Variants in RBFOX3 observed in about 807,000 individuals in gnomAD.
RBFOX3 encodes the protein RNA binding fox-1 homolog 3.
A neutral mutation model predicts 48.7 loss-of-function variants in RBFOX3; 17 were observed. The ratio of observed to expected loss-of-function variants is 0.35; its 90% CI spans 0.24 to 0.52. The LOEUF (loss-of-function observed/expected upper bound fraction) is 0.52. Among genes scored for constraint, RBFOX3 ranks in the 20% least tolerant of loss-of-function variants. RBFOX3 has a pLI of 0.94. For synonymous variants in RBFOX3, 212 were observed against 209.5 expected (o/e 1.01, Z -0.10); for missense variants, 382 against 497.5 (o/e 0.77, Z 2.21).
At chr17:79,528,043 C>G (rs1325820360) in intron 1 of RBFOX3, among the ~76,000 whole-genome samples, 1 of 152,210 alleles carries the variant, frequency 6.6e-6, no homozygotes, top group African/African-American at 2.4e-5. Flanking sequence ...AGTTGAACCA[C>G]TGAGTACCTC....
At chr17:79,626,426 C>T in the RBFOX3 span, among the ~76,000 whole-genome samples, 2 of 152,248 alleles carry the variant, frequency 1.3e-5, no homozygotes, top group Non-Finnish European at 2.9e-5. Flanking sequence ...CAGGAAGCGG[C>T]CACTGTCGCT....
In RBFOX3 at chr17:79,328,141, G is replaced by A. The variant is rs572082546; in HGVS notation, c.-174-20317C>T. 4.6e-5 allele frequency among the ~76,000 whole-genome samples: 7 copies of A among 152,314 alleles called. No homozygotes were observed. The South Asian group carries it at 1.5e-3, about 32-fold the overall frequency. ...AGGAGAGTGGGAGGGCAGAGCCCGT[G>A]GGTGCAAACACGGGCAGGACTCATG... On this transcript the variant is annotated intron_variant, in intron 2 of 14. Coordinates refer to ENST00000693108, the MANE Select transcript of RBFOX3 (RefSeq NM_001350451.2).
intron 2 of RBFOX3, among the ~76,000 whole-genome samples, chr17:79,403,520 C>T (rs146208512): frequency 1.5e-3 from 228 of 152,368 alleles, no homozygotes; most frequent in Non-Finnish European, 2.6e-3. Flanking sequence ...CTTCCACCCC[C>T]GTCAGCCCCA....
intron 1 of RBFOX3, among the ~76,000 whole-genome samples, chr17:79,536,657 C>T (rs999636648): frequency 1.3e-5 from 2 of 148,564 alleles, no homozygotes; most frequent in African/African-American, 5.0e-5. Context: ...TTGCCCCGCC[C>T]CAGCGTAGCA....
rs563190267 is a variant in RBFOX3, at chr17:79,309,587, T to C, written c.-174-1763A>G. Among the ~76,000 whole-genome samples, 25 of 152,244 alleles carry C rather than the reference T, an allele frequency of 1.6e-4. No homozygotes were observed. The South Asian group carries it at 4.8e-3, about 29-fold the overall frequency. On this transcript the variant is annotated intron_variant, in intron 2 of 14. Transcript: ENST00000693108. Reference sequence around the variant, plus strand: ...CATCGTATGGGAAGCCCCCTCCCCATCACCTGCCGCATCTACTCATGGCCT... The same window carrying C: ...CATCGTATGGGAAGCCCCCTCCCCACCACCTGCCGCATCTACTCATGGCCT...
intron 2 of RBFOX3, among the ~76,000 whole-genome samples, chr17:79,315,656 T>A (rs571079231): frequency 6.6e-6 from 1 of 152,340 alleles, no homozygotes; most frequent in East Asian, 1.9e-4. Context: ...TCCAGGTCAT[T>A]ACTCAAGGAA....
At chr17:79,462,176 C>G (rs2075450203) in intron 2 of RBFOX3, among the ~76,000 whole-genome samples, 3 of 152,132 alleles carry the variant, frequency 2.0e-5, no homozygotes, top group African/African-American at 7.2e-5. Context: ...CAATGAGTAC[C>G]AAGCTCCTAA....
At chr17:79,240,986 A>AT (rs34588470) in intron 3 of RBFOX3, among the ~76,000 whole-genome samples, 46,738 of 150,804 alleles carry the variant, frequency 0.31, 7,852 homozygotes, top group East Asian at 0.52. Context: ...TTAAAAAAAA[A>AT]TTTTTTTTGA....
At chr17:79,591,737 A>G (rs984079337) in intron 1 of RBFOX3, among the ~76,000 whole-genome samples, 2 of 152,122 alleles carry the variant, frequency 1.3e-5, no homozygotes, top group African/African-American at 4.8e-5. Context: ...CAAGTCCAGG[A>G]AGCTGGTGTG....
intron 1 of RBFOX3, among the ~76,000 whole-genome samples, chr17:79,517,489 GA>G (rs1171919977): frequency 6.6e-6 from 1 of 151,170 alleles, no homozygotes; most frequent in Non-Finnish European, 1.5e-5. Context: ...AAGGAAGGAG[GA>G]AAATGATGGA....
intron 8 of RBFOX3, 41 bp from the exon 9 acceptor site, chr17:79,101,685 A>G (rs2076461484): frequency 6.5e-7 from 1 of 1,534,770 alleles, no homozygotes; most frequent in Non-Finnish European, 8.8e-7. Context: ...AGGGAGGATT[A>G]GCCTCCTGGA....
chr17:79,605,276 G>A lies in RBFOX3; in HGVS notation c.-320+5550C>T, dbSNP rs904963635. 4.2e-3 allele frequency among the ~76,000 whole-genome samples: 639 copies of A among 152,306 alleles called. 14 individuals are homozygous for A. In the East Asian group the frequency reaches 0.058, roughly 14 times the overall value. On this transcript the variant is annotated intron_variant, in intron 1 of 14. Transcript: ENST00000693108. ...CTCCGCTCTGGCACAAAAGATACAT[G>A]TTATGATCTCAACTGGGCCCCCAAA...
chr17:79,275,288 C>T (rs557122926), intron 3 of RBFOX3, among the ~76,000 whole-genome samples: 8 of 152,104 alleles, frequency 5.3e-5, no homozygotes, highest in African/African-American at 1.9e-4. Flanking sequence ...GCCTGCACTC[C>T]AGCTGTCCCT....
At chr17:79,590,679 T>A (rs2093390289) in intron 1 of RBFOX3, among the ~76,000 whole-genome samples, 2 of 152,170 alleles carry the variant, frequency 1.3e-5, no homozygotes, top group African/African-American at 2.4e-5. Context: ...TCTGGCCACC[T>A]GGCACCGAAA....
upstream of RBFOX3, among the ~76,000 whole-genome samples, chr17:79,611,168 C>CCCCCCCTCCT (rs2093963606): frequency 3.0e-5 from 1 of 33,208 alleles, no homozygotes; most frequent in African/African-American, 1.0e-4. Flanking sequence ...CTCTCTCTCT[C>CCCCCCCTCCT]TCTCTCCGCC....
chr17:79,228,717 G>A (rs1487074424), intron 4 of RBFOX3, among the ~76,000 whole-genome samples: 2 of 152,168 alleles, frequency 1.3e-5, no homozygotes, highest in Non-Finnish European at 1.5e-5. Flanking sequence ...AGAAATAGCC[G>A]TGAGTTTGGG....
At chr17:79,308,711 G>C (rs990791024) in intron 2 of RBFOX3, among the ~76,000 whole-genome samples, 8 of 151,754 alleles carry the variant, frequency 5.3e-5, no homozygotes, top group African/African-American at 1.9e-4. Context: ...AAGAGTGTCT[G>C]TCTCTCTCTC....
At chr17:79,512,342 A>C (rs1370458344) in intron 1 of RBFOX3, among the ~76,000 whole-genome samples, 41 of 47,078 alleles carry the variant, frequency 8.7e-4, no homozygotes, top group African/African-American at 1.1e-3. Flanking sequence ...TTACCATCGG[A>C]TACAGCCCCA....
chr17:79,382,722 T>C (rs530243808), intron 2 of RBFOX3, among the ~76,000 whole-genome samples: 2 of 152,344 alleles, frequency 1.3e-5, no homozygotes, highest in African/African-American at 2.4e-5. Context: ...ATTCACCCAA[T>C]GTGGTCCTGG....
Sources: gnomAD v4.1 joint callset for allele counts (sites outside exome capture counted in the v4.1 genomes callset) on GRCh38, gnomAD v4.1.1 for gene constraint, MANE v1.5 for transcripts, NCBI Gene and HGNC (gene_info 2026-07-23, HGNC 2026-07-21) for gene names.